CNTN6: variants seen among roughly 807,000 people sequenced by gnomAD.
CNTN6 encodes contactin 6.
Under a neutral mutation model 122.8 loss-of-function variants are expected in CNTN6, and 137 were observed. That is an observed-to-expected ratio of 1.12 (90% CI 0.97 to 1.29). The LOEUF is 1.29. CNTN6 is among the 50% of genes most tolerant of loss of function. The pLI, the probability that CNTN6 is intolerant of heterozygous loss-of-function variation, is 0.00. For synonymous variants in CNTN6, 570 were observed against 426.0 expected, an observed-to-expected ratio of 1.34 and a Z score of -4.16; for missense variants, 1,634 against 1,223.4, an observed-to-expected ratio of 1.34 and a Z score of -5.01.
intron 20 of CNTN6, among the ~76,000 whole-genome samples, chr3:1,387,758 A>AGGGGTCAGGGAGTTCC (rs1353374830): frequency 6.7e-6 from 1 of 148,456 alleles, no homozygotes; most frequent in Non-Finnish European, 1.5e-5. Context: ...GGGAAGCGCA[A>AGGGGTCAGGGAGTTCC]GGGGTCAGGG....
intron 11 of CNTN6, among the ~76,000 whole-genome samples, chr3:1,331,375 G>T (rs116157187): frequency 1.3e-5 from 2 of 151,928 alleles, no homozygotes; most frequent in Non-Finnish European, 2.9e-5. Context: ...CATGTAAAGC[G>T]TTACCAGCTT....
At chr3:1,149,054 T>C (rs1471449443) in intron 2 of CNTN6, among the ~76,000 whole-genome samples, 2 of 152,144 alleles carry the variant, frequency 1.3e-5, no homozygotes, top group East Asian at 1.9e-4. Flanking sequence ...TCAGCTTTAA[T>C]AGATGTGGAA....
At chr3:1,327,872 T>A (rs893415725) in intron 10 of CNTN6, among the ~76,000 whole-genome samples, 1 of 151,792 alleles carries the variant, frequency 6.6e-6, no homozygotes, top group Non-Finnish European at 1.5e-5. Flanking sequence ...TCAAAGAATA[T>A]CTTTAGGAAT....
At chr3:1,386,154 A>T (rs1306018504) in intron 20 of CNTN6, among the ~76,000 whole-genome samples, 1 of 152,180 alleles carries the variant, frequency 6.6e-6, no homozygotes, top group Non-Finnish European at 1.5e-5. Flanking sequence ...CCTACCTATA[A>T]AATGAGGAAA....
intron 1 of CNTN6, among the ~76,000 whole-genome samples, chr3:1,119,795 G>T (rs574532894): frequency 1.3e-5 from 2 of 151,996 alleles, no homozygotes; most frequent in South Asian, 4.1e-4. Flanking sequence ...TTTGAAAAAC[G>T]TGTATGCCCA....
chr3:1,205,985 G>A (rs11919828), intron 2 of CNTN6, among the ~76,000 whole-genome samples: 57,080 of 151,958 alleles, frequency 0.38, 10,855 homozygotes, highest in African/African-American at 0.41. Flanking sequence ...ATGACCAAAA[G>A]TCATTTGCAT....
intron 2 of CNTN6, among the ~76,000 whole-genome samples, chr3:1,198,065 G>A (rs1368272795): frequency 2.0e-5 from 3 of 152,084 alleles, no homozygotes; most frequent in Admixed American, 6.5e-5. Flanking sequence ...GAGTTCAGGC[G>A]AGCATTCTAA....
intron 12 of CNTN6, among the ~76,000 whole-genome samples, chr3:1,371,014 C>G (rs554610685): frequency 6.6e-6 from 1 of 151,966 alleles, no homozygotes; most frequent in African/African-American, 2.4e-5. Context: ...TTTCATGGCT[C>G]TTTTGTCAGT....
At chr3:1,229,530 A>G (rs186561275) in intron 4 of CNTN6, among the ~76,000 whole-genome samples, 16 of 152,300 alleles carry the variant, frequency 1.1e-4, no homozygotes, top group African/African-American at 3.6e-4. Flanking sequence ...TCTCAAATCA[A>G]TGCACTCTTT....
chr3:1,198,947 A>G (rs755237723), intron 2 of CNTN6, among the ~76,000 whole-genome samples: 12 of 152,288 alleles, frequency 7.9e-5, no homozygotes, highest in Non-Finnish European at 1.5e-4. Flanking sequence ...TGAGAAAAGA[A>G]TAGGACACAC....
At position 1,325,920 on chromosome 3, in the gene CNTN6, G is replaced by A. The variant is rs1461690820; in HGVS notation, c.1052G>A (p.Trp351Ter). 1 of 1,611,132 alleles carries A rather than the reference G, an allele frequency of 6.2e-7. No homozygotes were observed. The highest frequency in any genetic ancestry group is 1.1e-5 in the South Asian group (1 of 90,914). Reference sequence around the variant, plus strand: ...GGAAAGCCAAACCCTTGGTATACATGGTTAAAAAATGGTGAACGACTCAAC... The same window carrying A: ...GGAAAGCCAAACCCTTGGTATACATAGTTAAAAAATGGTGAACGACTCAAC... ...ASGKPNPWYT[W>*]LKNGERLNPE... Residue 351 changes from tryptophan (W) to a stop codon, truncating the protein, a stop_gained, in exon 9 of 23, where the codon TGG becomes TAG. Coordinates refer to ENST00000446702, the MANE Select transcript of CNTN6 (RefSeq NM_001289080.2). LOFTEE classifies it high-confidence loss of function.
intron 2 of CNTN6, among the ~76,000 whole-genome samples, chr3:1,218,460 A>C (rs1321835835): frequency 6.6e-6 from 1 of 152,058 alleles, no homozygotes; most frequent in Non-Finnish European, 1.5e-5. Context: ...ACAGGGTCAG[A>C]ATCTGAGTGA....
At chr3:1,245,266 T>TAAC (rs1426151182) in intron 4 of CNTN6, among the ~76,000 whole-genome samples, 16 of 5,084 alleles carry the variant, frequency 3.1e-3, no homozygotes, top group East Asian at 0.024. Flanking sequence ...AACATATATA[T>TAAC]ATATATATAC....
intron 2 of CNTN6, among the ~76,000 whole-genome samples, chr3:1,150,956 A>G (rs147882143): frequency 1.3e-5 from 2 of 152,252 alleles, no homozygotes; most frequent in African/African-American, 4.8e-5. Context: ...GGAAGGGATC[A>G]TGAGCCATGG....
At chr3:1,256,466 A>C (rs1481076922) in intron 4 of CNTN6, among the ~76,000 whole-genome samples, 2 of 152,170 alleles carry the variant, frequency 1.3e-5, no homozygotes, top group Non-Finnish European at 2.9e-5. Context: ...TTGATGAGGA[A>C]GACTTGAAGA....
intron 1 of CNTN6, among the ~76,000 whole-genome samples, chr3:1,100,880 AT>A (rs2090854147): frequency 6.6e-6 from 1 of 151,992 alleles, no homozygotes; most frequent in African/African-American, 2.4e-5. Context: ...TACTATTTTA[AT>A]TTTTAGAGTC....
chr3:1,317,434 A>G (rs917515843), intron 7 of CNTN6, among the ~76,000 whole-genome samples: 3 of 151,804 alleles, frequency 2.0e-5, no homozygotes, highest in African/African-American at 4.8e-5. Flanking sequence ...GGCTTAAGAA[A>G]AAAATAATAT....
chr3:1,373,736 C>T lies in CNTN6; in HGVS notation c.1919C>T (p.Ser640Phe), dbSNP rs1258560035. The change falls in exon 15 of 23, where the codon TCT becomes TTT. Residue 640 changes from serine (S) to phenylalanine (F), a missense_variant. By Grantham distance (155) the Ser-to-Phe change is radical. Transcript: ENST00000446702. ...IFTIQTRTPF[S>F]VGWQAVATVP... ...ACTATTCAGACTCGGACACCATTTT[C>T]TGTGGGTTGGCAGGCTGTTGCTACA... The T allele has an allele frequency of 6.2e-7, 1 of 1,609,694 alleles. No homozygotes were observed. Among genetic ancestry groups the T allele is most frequent in the Admixed American group, 1.7e-5 (1 of 59,456 alleles).
At chr3:1,322,053 A>G (rs1700937746) in intron 8 of CNTN6, among the ~76,000 whole-genome samples, 1 of 151,714 alleles carries the variant, frequency 6.6e-6, no homozygotes, top group Non-Finnish European at 1.5e-5. Context: ...ATTGTTTATT[A>G]TATTTGCCTT....
Sources: allele counts gnomAD v4.1 joint callset (sites outside exome capture counted in the v4.1 genomes callset), GRCh38; gene constraint gnomAD v4.1.1; transcripts MANE v1.5; gene names NCBI Gene and HGNC (gene_info 2026-07-23, HGNC 2026-07-21).